The following FAT4 variants were observed in gnomAD, a reference collection of about 807,000 sequenced individuals.
The protein encoded by FAT4 is FAT atypical cadherin 4, also known as protocadherin Fat 4.
Under a neutral mutation model 303.9 loss-of-function variants are expected in FAT4, and 84 were observed. That is an observed-to-expected ratio of 0.28 (90% confidence interval 0.23 to 0.33). FAT4 has a LOEUF of 0.33. Ranked by LOEUF, FAT4 falls within the 10% of genes least tolerant of loss-of-function variation. FAT4 has a pLI of 1.00. For missense variants in FAT4, 6,005 were observed against 6,146.8 expected, an observed-to-expected ratio of 0.98 and a Z score of 0.77; for synonymous variants, 2,307 against 2,298.8, an observed-to-expected ratio of 1.00 and a Z score of -0.10.
Position 125,317,330 on chromosome 4 carries a change from G to A in FAT4, c.919G>A (p.Val307Met). The change falls in exon 2 of 18, where the codon GTG becomes ATG. Residue 307 changes from valine (V) to methionine (M), a missense_variant. Coordinates refer to ENST00000394329, the MANE Select transcript of FAT4 (RefSeq NM_001291303.3). The surrounding 1 kb of genome is among the most constrained non-coding windows in gnomAD (Gnocchi z 7.0). The stretch of plus-strand genomic sequence containing the variant: ...GGACCCTGAGACGGGACTTATCACG[G>A]TGCGGGAGCCCCTGGACTTCGAAGC... ...QMDPETGLIT[V>M]REPLDFEARR... 6.2e-7 allele frequency: 1 copy of A among 1,611,408 alleles called. No homozygotes were observed. Among genetic ancestry groups the A allele is most frequent in the Non-Finnish European group, 8.5e-7 (1 of 1,178,516 alleles).
At chr4:125,447,266 C>T (rs757495394) in intron 9 of FAT4, among the ~76,000 whole-genome samples, 30 of 151,984 alleles carry the variant, frequency 2.0e-4, no homozygotes, top group Middle Eastern at 3.2e-3. Flanking sequence ...AGAAATATAG[C>T]TCATTATTGA....
chr4:125,419,994 T>G (rs1252701403), intron 7 of FAT4, among the ~76,000 whole-genome samples: 3 of 152,218 alleles, frequency 2.0e-5, no homozygotes, highest in African/African-American at 7.2e-5. Context: ...GCCTGGAATT[T>G]TCTATTCTAC....
chr4:125,422,124 T>A (rs11931967), intron 7 of FAT4, among the ~76,000 whole-genome samples: 77,441 of 151,944 alleles, frequency 0.51, 19,994 homozygotes, highest in South Asian at 0.64. Flanking sequence ...GTAATTTCAA[T>A]ATTGGTATTT....
intron 11 of FAT4, among the ~76,000 whole-genome samples, chr4:125,464,499 TG>T (rs1313179040): frequency 6.6e-6 from 1 of 151,954 alleles, no homozygotes; most frequent in African/African-American, 2.4e-5. Context: ...TTTTTTTTTT[TG>T]TCCCCTTTGT....
At chr4:125,475,307 A>T (rs13138909) in intron 12 of FAT4, among the ~76,000 whole-genome samples, 4 of 151,798 alleles carry the variant, frequency 2.6e-5, no homozygotes, top group Non-Finnish European at 4.4e-5. Flanking sequence ...CTTAGACTGC[A>T]CTGCAGCCAT....
chr4:125,398,598 C>T (rs1734267342), intron 2 of FAT4, among the ~76,000 whole-genome samples, 186 bp from the exon 3 acceptor site: 1 of 152,076 alleles, frequency 6.6e-6, no homozygotes, highest in African/African-American at 2.4e-5. Context: ...TTTATTTCGA[C>T]TTTATGTTTT....
chr4:125,343,675 G>A (rs1462414349), intron 2 of FAT4, among the ~76,000 whole-genome samples: 1 of 152,090 alleles, frequency 6.6e-6, no homozygotes, highest in African/African-American at 2.4e-5. Context: ...ACCCAGCTCT[G>A]AGAGAAAATT....
At chr4:125,413,521 TC>T in intron 5 of FAT4, among the ~76,000 whole-genome samples, 1 of 152,054 alleles carries the variant, frequency 6.6e-6, no homozygotes, top group South Asian at 2.1e-4. Flanking sequence ...TAAGTCATTG[TC>T]TGAAAGTTAT....
At position 125,450,831 on chromosome 4, in the gene FAT4, A is replaced by G. The variant is rs150629460; in HGVS notation, c.9821A>G (p.Asn3274Ser). The change falls in exon 10 of 18, where the codon AAT becomes AGT. Residue 3274 changes from asparagine to serine, a missense_variant. Transcript: ENST00000394329. The stretch of plus-strand genomic sequence containing the variant: ...TACCATCTTACTGTGAAAGCCTTCA[A>G]TGTCCCCGATGAGGAAAGGTGTAGC... ...QSYHLTVKAFNVPDEERCSFA... is the reference protein window; with the variant it reads ...QSYHLTVKAFSVPDEERCSFA... 3.1e-6 allele frequency: 5 copies of G among 1,614,138 alleles called. No homozygotes were observed. The highest frequency in any genetic ancestry group is 2.2e-5 in the South Asian group (2 of 91,076).
chr4:125,451,054 C>A lies in FAT4; in HGVS notation c.10044C>A (p.Phe3348Leu). The change falls in exon 10 of 18, where the codon TTC (phenylalanine) becomes TTA (leucine). Residue 3348 changes from phenylalanine to leucine, a missense_variant. By Grantham distance (22) the Phe-to-Leu change is conservative. Coordinates refer to ENST00000394329, the MANE Select transcript of FAT4 (RefSeq NM_001291303.3). Reference sequence around the variant, plus strand: ...TTGGTAATAGTCGAAAGAAGGGTTTCCAGATCAATAAGAAGACTGGACAGA... The same window carrying A: ...TTGGTAATAGTCGAAAGAAGGGTTTACAGATCAATAAGAAGACTGGACAGA... ...LIFGNSRKKGFQINKKTGQIY... is the reference protein window; with the variant it reads ...LIFGNSRKKGLQINKKTGQIY... 6.2e-7 allele frequency: 1 copy of A among 1,613,928 alleles called. No homozygotes were observed. Among genetic ancestry groups the A allele is most frequent in the South Asian group, 1.1e-5 (1 of 91,058 alleles).
rs770062632 is a variant in FAT4, at chr4:125,415,216, A to G, written c.6253A>G (p.Ile2085Val). 6.2e-7 allele frequency: 1 copy of G among 1,614,126 alleles called. No homozygotes were observed. The highest frequency in any genetic ancestry group is 2.2e-5 in the East Asian group (1 of 44,876). Residue 2085 changes from isoleucine to valine, a missense_variant, in exon 6 of 18, where the codon ATT becomes GTT. Physicochemically the swap from Ile to Val is conservative, Grantham distance 29. Transcript: ENST00000394329. Reference sequence around the variant, plus strand: ...CCCAGATAGTGGCCCAAACAGCTATATTGAGTACACTCTGCTGAACCCTTT... The same window carrying G: ...CCCAGATAGTGGCCCAAACAGCTATGTTGAGTACACTCTGCTGAACCCTTT... Reference protein sequence around the residue: ...TDPDSGPNSYIEYTLLNPLGN... With the variant: ...TDPDSGPNSYVEYTLLNPLGN...
At chr4:125,457,682 A>G (rs1726332339) in intron 10 of FAT4, among the ~76,000 whole-genome samples, 1 of 152,024 alleles carries the variant, frequency 6.6e-6, no homozygotes, top group South Asian at 2.1e-4. Context: ...ATTATTAGAA[A>G]AGATGGATAA....
At chr4:125,352,652 G>A (rs773222112) in intron 2 of FAT4, among the ~76,000 whole-genome samples, 49 of 151,778 alleles carry the variant, frequency 3.2e-4, no homozygotes, top group Non-Finnish European at 5.3e-4. Context: ...TAAAAAATGG[G>A]CTTCCCTAAT....
intron 2 of FAT4, among the ~76,000 whole-genome samples, chr4:125,385,180 C>A (rs1733696440): frequency 6.6e-6 from 1 of 151,638 alleles, no homozygotes; most frequent in African/African-American, 2.4e-5. Context: ...CGCCACCACA[C>A]CTGGCTAATT....
At chr4:125,411,502 C>G (rs1416827394) in intron 5 of FAT4, among the ~76,000 whole-genome samples, 1 of 151,750 alleles carries the variant, frequency 6.6e-6, no homozygotes, top group African/African-American at 2.4e-5. Context: ...GTGTACAATA[C>G]AGACCATTGA....
At chr4:125,403,101 T>C (rs1201527328) in intron 3 of FAT4, among the ~76,000 whole-genome samples, 1 of 152,022 alleles carries the variant, frequency 6.6e-6, no homozygotes, top group East Asian at 1.9e-4. Context: ...TATAAGAAAA[T>C]AGTAAGAATA....
intron 2 of FAT4, among the ~76,000 whole-genome samples, chr4:125,391,476 C>T (rs575556818): frequency 1.2e-4 from 18 of 152,142 alleles, no homozygotes; most frequent in Non-Finnish European, 2.1e-4. Flanking sequence ...AATGAGAACA[C>T]GTGGACACAG....
chr4:125,323,552 A>T (rs1317144282), intron 2 of FAT4, among the ~76,000 whole-genome samples: 1 of 152,136 alleles, frequency 6.6e-6, no homozygotes, highest in Non-Finnish European at 1.5e-5. Context: ...CTGTGAACTT[A>T]AGTGCTGAAA....
intron 4 of FAT4, 71 bp downstream of exon 4, chr4:125,407,212 G>T: frequency 7.2e-7 from 1 of 1,384,336 alleles, no homozygotes; most frequent in Non-Finnish European, 1.0e-6. Context: ...CTATGTTTCG[G>T]CTGCTCTTAA....
Sources: allele counts gnomAD v4.1 joint callset (sites outside exome capture counted in the v4.1 genomes callset), GRCh38; gene constraint gnomAD v4.1.1; non-coding constraint Gnocchi (gnomAD v3.1); transcripts MANE v1.5; gene names NCBI Gene and HGNC (gene_info 2026-07-23, HGNC 2026-07-21).